Variants in TMEM207 observed in about 807,000 individuals in gnomAD.
The protein encoded by TMEM207 is transmembrane protein 207.
TMEM207 carries 15 observed loss-of-function variants against 17.4 expected under a neutral mutation model. The ratio of observed to expected loss-of-function variants is 0.86; its 90% CI spans 0.58 to 1.33. The LOEUF (loss-of-function observed/expected upper bound fraction) is 1.33, where lower values mean the gene tolerates loss of function less well. Ranked by LOEUF, TMEM207 falls within the 40% of genes most tolerant of loss-of-function variation. The probability of loss-of-function intolerance (pLI) is 0.00; values close to 1 mark genes in which losing one functional copy is unlikely to be tolerated. For missense variants in TMEM207, 205 were observed against 173.8 expected (o/e 1.18, Z -1.01); for synonymous variants, 70 against 65.6 (o/e 1.07, Z -0.33).
At chr3:190,439,176 CAAA>C (rs772313119) in intron 4 of TMEM207, among the ~76,000 whole-genome samples, 1 of 58,646 alleles carries the variant, frequency 1.7e-5, no homozygotes, top group African/African-American at 6.8e-5. Context: ...GACTCCGTCT[CAAA>C]AAAAAAAAAA....
chr3:190,443,745 A>T (rs1719986271), intron 2 of TMEM207, among the ~76,000 whole-genome samples: 1 of 152,186 alleles, frequency 6.6e-6, no homozygotes, highest in African/African-American at 2.4e-5. Flanking sequence ...TATTCTAATT[A>T]CTCAAATATT....
chr3:190,443,857 C>T (rs947115792), intron 2 of TMEM207, among the ~76,000 whole-genome samples: 7 of 152,018 alleles, frequency 4.6e-5, no homozygotes, highest in Admixed American at 1.3e-4. Context: ...AGAAAATCAT[C>T]GGGGGGAAGT....
rs1719903977 is a variant in TMEM207 at position 190,440,356 on chromosome 3, A to G, written c.192T>C (p.Leu64=). Residue 64 remains leucine (L), a synonymous_variant, in exon 4 of 5, where the codon CTT becomes CTC. Transcript: ENST00000354905. ...ILLLLVLVAA[L]LCGAVVLCLQ... ...GGCAGAGGACCACAGCTCCACAGAGAAGAGCTGCCACCAAAACCAGCAGCA... is the reference window on the plus strand; with the variant it reads ...GGCAGAGGACCACAGCTCCACAGAGGAGAGCTGCCACCAAAACCAGCAGCA... The G allele has an allele frequency of 1.9e-6, 3 of 1,612,448 alleles. No individual in the cohort carries two copies. The highest frequency in any genetic ancestry group is 2.5e-6 in the Non-Finnish European group (3 of 1,179,620).
Position 190,429,681 on chromosome 3 carries a change from T to G in TMEM207, c.355A>C (p.Thr119Pro). The change falls in exon 5 of 5, where the codon ACC becomes CCC. Residue 119 changes from threonine (T) to proline (P), a missense_variant. Physicochemically the swap from Thr to Pro is conservative, Grantham distance 38. Transcript: ENST00000354905. ...GCAGGAACAGGATATAGGTCAGGGG[T>G]TTGAGTTTGAAGGTGAATTCCAACA... ...PTVGIHLQTQ[T>P]PDLYPVPAPC... The G allele has an allele frequency of 6.2e-7, 1 of 1,611,632 alleles. No individual in the cohort carries two copies.
chr3:190,444,452 TG>T (rs138207003), intron 2 of TMEM207: 207 of 984,900 alleles, frequency 2.1e-4, no homozygotes, highest in Non-Finnish European at 2.5e-4. Context: ...GAGTATTGCC[TG>T]AATGAATCCA....
At chr3:190,444,205 C>T (rs977041321) in intron 2 of TMEM207, among the ~76,000 whole-genome samples, 6 of 152,126 alleles carry the variant, frequency 3.9e-5, no homozygotes, top group South Asian at 4.1e-4. Context: ...TGTGAAATAA[C>T]GGACTCTCAA....
At chr3:190,447,996 C>A (rs1008773300) in intron 1 of TMEM207, among the ~76,000 whole-genome samples, 169 bp from the exon 2 acceptor site, 2 of 152,084 alleles carry the variant, frequency 1.3e-5, no homozygotes, top group Non-Finnish European at 2.9e-5. Flanking sequence ...TTGAAAAAAT[C>A]TCTGGGTGGA....
intron 2 of TMEM207, among the ~76,000 whole-genome samples, chr3:190,443,598 C>T (rs563979204): frequency 2.0e-4 from 30 of 151,864 alleles, no homozygotes; most frequent in East Asian, 3.9e-4. Context: ...GAGGGGAATT[C>T]ACTACGTAGT....
intron 2 of TMEM207, 93 bp from the exon 3 acceptor site, chr3:190,441,575 T>G: frequency 1.0e-6 from 1 of 984,094 alleles, no homozygotes; most frequent in Non-Finnish European, 1.6e-6. Context: ...CACACTTGTT[T>G]CTCCAGAACA....
At chr3:190,438,137 C>A (rs926873754) in intron 4 of TMEM207, among the ~76,000 whole-genome samples, 72 of 150,968 alleles carry the variant, frequency 4.8e-4, no homozygotes, top group Non-Finnish European at 1.8e-4. Context: ...AGGAGATATA[C>A]CTAATGCAAA....
chr3:190,449,370 T>C (rs28493948), intron 1 of TMEM207, among the ~76,000 whole-genome samples: 173 of 152,334 alleles, frequency 1.1e-3, no homozygotes, highest in African/African-American at 3.9e-3. Context: ...GCATCAAGTA[T>C]GGTTGTAGGC....
Position 190,449,790 on chromosome 3 carries a change from A to G in TMEM207, c.20T>C (p.Phe7Ser). Residue 7 changes from phenylalanine (F) to serine (S), a missense_variant, in exon 1 of 5, where the codon TTC (phenylalanine) becomes TCC (serine). By Grantham distance (155) the Phe-to-Ser change is radical. Transcript: ENST00000354905. The stretch of plus-strand genomic sequence containing the variant: ...CGTTGAGATCGCTGAGGTGACACTG[A>G]AAAGTCTGGATCTTGACATATTTAA... MSRSRL[F>S]SVTSAISTIG... is the part of the protein sequence containing the mutation. 2 of 1,613,836 alleles carry G rather than the reference A, an allele frequency of 1.2e-6. No homozygotes were observed. Among genetic ancestry groups the G allele is most frequent in the Non-Finnish European group, 1.7e-6 (2 of 1,179,798 alleles).
At chr3:190,447,724 C>A (rs1035375553) in intron 2 of TMEM207, 66 bp downstream of exon 2, 8 of 1,537,748 alleles carry the variant, frequency 5.2e-6, no homozygotes, top group South Asian at 1.2e-5. Flanking sequence ...ATGGCTTGAG[C>A]CTTTTTTATA....
intron 4 of TMEM207, among the ~76,000 whole-genome samples, chr3:190,435,118 C>T (rs1425092): frequency 0.71 from 108,507 of 152,006 alleles, 39,985 homozygotes; most frequent in African/African-American, 0.9. Flanking sequence ...AAGAGAGCAG[C>T]TGTATTAGTT....
intron 2 of TMEM207, among the ~76,000 whole-genome samples, chr3:190,445,681 A>G (rs544807075): frequency 6.6e-6 from 1 of 152,184 alleles, no homozygotes; most frequent in East Asian, 1.9e-4. Context: ...GCGTGCCACC[A>G]TGCCCGGCTA....
At chr3:190,442,612 T>C (rs1354017552) in intron 2 of TMEM207, among the ~76,000 whole-genome samples, 1 of 152,214 alleles carries the variant, frequency 6.6e-6, no homozygotes, top group East Asian at 1.9e-4. Context: ...GTCTGTTTTC[T>C]GTTTATTTGC....
chr3:190,446,156 A>G (rs538032321), intron 2 of TMEM207, among the ~76,000 whole-genome samples: 8 of 151,648 alleles, frequency 5.3e-5, no homozygotes, highest in African/African-American at 1.9e-4. Flanking sequence ...TTTGTGTGTT[A>G]CTCTCTTATA....
Position 190,436,277 on chromosome 3 carries a change from A to G in TMEM207, c.304+3967T>C, listed in dbSNP as rs547383580. Among the ~76,000 whole-genome samples, 21 of 152,354 alleles carry G rather than the reference A, an allele frequency of 1.4e-4. No individual in the cohort carries two copies. In the South Asian group the frequency reaches 4.3e-3, roughly 32 times the overall value. Reference sequence around the variant, plus strand: ...TCCATTAAAATGTTTCAAATAAATTACCCATTTCCCACATTCTGTATTCAG... The same window carrying G: ...TCCATTAAAATGTTTCAAATAAATTGCCCATTTCCCACATTCTGTATTCAG... On this transcript the variant is annotated intron_variant, in intron 4 of 4. Coordinates refer to ENST00000354905, the MANE Select transcript of TMEM207 (RefSeq NM_207316.3).
intron 4 of TMEM207, among the ~76,000 whole-genome samples, chr3:190,439,351 T>C: frequency 6.6e-6 from 1 of 152,140 alleles, no homozygotes; most frequent in Admixed American, 6.5e-5. Flanking sequence ...ACTTTTCATC[T>C]TGCTGTTAGT....
Sources: gnomAD v4.1 joint callset for allele counts (sites outside exome capture counted in the v4.1 genomes callset) on GRCh38, gnomAD v4.1.1 for gene constraint, MANE v1.5 for transcripts, NCBI Gene and HGNC (gene_info 2026-07-23, HGNC 2026-07-21) for gene names.